FLNB: variants seen among roughly 807,000 people sequenced by gnomAD.
FLNB encodes filamin-B.
FLNB carries 111 observed loss-of-function variants against 250.6 expected under a neutral mutation model. The ratio of observed to expected loss-of-function variants is 0.44; its 90% CI spans 0.38 to 0.52. FLNB has a LOEUF of 0.52. Among genes scored for constraint, FLNB ranks in the 20% least tolerant of loss-of-function variants. The pLI, the probability that FLNB is intolerant of heterozygous loss-of-function variation, is 0.00. For missense variants in FLNB, 2,869 were observed against 3,447.8 expected (o/e 0.83, Z 4.20); for synonymous variants, 1,302 against 1,372.1 (o/e 0.95, Z 1.13).
At chr3:58,125,769 C>CT in intron 23 of FLNB, 26 bp downstream of exon 23, 1 of 1,611,788 alleles carries the variant, frequency 6.2e-7, no homozygotes, top group Non-Finnish European at 8.5e-7. Flanking sequence ...CATTTGGTGT[C>CT]TTGAGTCTCA....
intron 1 of FLNB, among the ~76,000 whole-genome samples, chr3:58,071,144 G>A (rs1018332387): frequency 3.3e-5 from 5 of 151,822 alleles, no homozygotes; most frequent in Admixed American, 2.0e-4. Flanking sequence ...TAGGGACAGG[G>A]TGTCCCTATG....
At chr3:58,008,913 T>C in intron 1 of FLNB, 57 bp downstream of exon 1, 1 of 1,598,258 alleles carries the variant, frequency 6.3e-7, no homozygotes, top group Middle Eastern at 1.7e-4. Context: ...CCCCCGCGCG[T>C]GCACCCCTGC....
intron 24 of FLNB, among the ~76,000 whole-genome samples, chr3:58,129,733 G>A (rs1207336298): frequency 6.6e-6 from 1 of 152,120 alleles, no homozygotes; most frequent in African/African-American, 2.4e-5. Context: ...CAGCTTTCAC[G>A]GCAGTCATTA....
At chr3:58,112,589 C>G (rs1393584898) in intron 18 of FLNB, among the ~76,000 whole-genome samples, 18 of 152,248 alleles carry the variant, frequency 1.2e-4, no homozygotes, top group Admixed American at 1.1e-3. Flanking sequence ...CAGAGAAATG[C>G]TCAGTTCTTG....
chr3:58,116,091 C>T (rs903780580), intron 18 of FLNB, among the ~76,000 whole-genome samples: 45 of 152,010 alleles, frequency 3.0e-4, no homozygotes, highest in South Asian at 4.1e-4. Context: ...GATTCACAAG[C>T]GGAGATGGCC....
rs7645145 is a variant in FLNB at position 58,095,229 on chromosome 3, G to T, written c.906+275G>T. Among the ~76,000 whole-genome samples, 13,394 of 147,714 alleles carry T rather than the reference G, an allele frequency of 0.091. 934 individuals are homozygous for T. The highest frequency in any genetic ancestry group is 0.19 in the African/African-American group (7,573 of 39,634). On this transcript the variant is annotated intron_variant, in intron 5 of 45. Coordinates refer to ENST00000295956, the MANE Select transcript of FLNB (RefSeq NM_001457.4). Reference sequence around the variant, plus strand: ...GCCTTGTCAGTTGAGGTTTATGTATGTATTTATTTATTTATTTATTTATTT... The same window carrying T: ...GCCTTGTCAGTTGAGGTTTATGTATTTATTTATTTATTTATTTATTTATTT...
intron 6 of FLNB, 133 bp downstream of exon 6, chr3:58,096,351 T>C: frequency 1.4e-6 from 1 of 732,910 alleles, no homozygotes; most frequent in Non-Finnish European, 2.4e-6. Context: ...TCTATGCTCA[T>C]GATAGAAAAT....
At chr3:58,111,734 C>A in intron 16 of FLNB, 57 bp from the exon 17 acceptor site, 1 of 1,339,082 alleles carries the variant, frequency 7.5e-7, no homozygotes, top group South Asian at 1.2e-5. Flanking sequence ...TGAAGGCTCC[C>A]TGAGCTCTGG....
At position 58,142,553 on chromosome 3, in the gene FLNB, A is replaced by T. The variant is rs914578687; in HGVS notation, c.5182-97A>T. 1 of 1,061,492 alleles carries T rather than the reference A, an allele frequency of 9.4e-7. No homozygotes were observed. The highest frequency in any genetic ancestry group is 1.6e-5 in the African/African-American group (1 of 64,338). 65.8% of individuals were successfully genotyped at this position (1,061,492 alleles called of 1,614,324 possible). A position where few individuals can be genotyped will look rare whatever the true frequency, so the allele number is the denominator to read the frequency against. Reference sequence around the variant, plus strand: ...AGCCGCATTCCCAAATCCCGGCCTCACTGGCTTGTAGAATTCCCAGCAGCT... The same window carrying T: ...AGCCGCATTCCCAAATCCCGGCCTCTCTGGCTTGTAGAATTCCCAGCAGCT... On this transcript the variant is annotated intron_variant, in intron 30 of 45. Coordinates refer to ENST00000295956, the MANE Select transcript of FLNB (RefSeq NM_001457.4). This position sits in a 1 kb window ranked among gnomAD's most constrained non-coding sequence, Gnocchi z 4.3.
At chr3:58,018,125 C>T (rs1172733356) in intron 1 of FLNB, among the ~76,000 whole-genome samples, 3 of 151,970 alleles carry the variant, frequency 2.0e-5, no homozygotes, top group Non-Finnish European at 4.4e-5. Flanking sequence ...TCACACCTTC[C>T]GTCTGCTGAG....
chr3:58,148,929 TC>T, intron 36 of FLNB, 77 bp downstream of exon 36: 2 of 1,232,526 alleles, frequency 1.6e-6, no homozygotes, highest in East Asian at 4.6e-5. Flanking sequence ...CATCTTTTCA[TC>T]CTACCAACTC....
intron 27 of FLNB, among the ~76,000 whole-genome samples, chr3:58,135,131 A>C (rs1415660106): frequency 6.6e-6 from 1 of 152,212 alleles, no homozygotes; most frequent in Non-Finnish European, 1.5e-5. Flanking sequence ...CTGGGATTGC[A>C]GACATGAGAC....
chr3:58,123,109 C>G lies in FLNB; in HGVS notation c.3143C>G (p.Pro1048Arg). ...CTCAAATAGGTGAAGGCCCACGGTC[C>G]CGGCCTCGAAGGTGGTCTCGTGGGC... ...PDPSKVKAHGPGLEGGLVGKP... is the reference protein window; with the variant it reads ...PDPSKVKAHGRGLEGGLVGKP... The change falls in exon 21 of 46, where the codon CCC becomes CGC. Residue 1048 changes from proline to arginine, a missense_variant. By Grantham distance (103) the Pro-to-Arg change is moderately radical (BLOSUM62 -2). This residue lies in a region of FLNB where 1,348 missense variants were observed against 1,466.7 expected (regional missense o/e 0.92). Coordinates refer to ENST00000295956, the MANE Select transcript of FLNB (RefSeq NM_001457.4). 6.2e-7 allele frequency: 1 copy of G among 1,614,120 alleles called. No individual in the cohort carries two copies. The highest frequency in any genetic ancestry group is 1.3e-5 in the African/African-American group (1 of 75,020).
At position 58,141,887 on chromosome 3, in the gene FLNB, G is replaced by A; in HGVS notation, c.5139G>A (p.Glu1713=). 1 of 1,614,178 alleles carries A rather than the reference G, an allele frequency of 6.2e-7. No homozygotes were observed. The highest frequency in any genetic ancestry group is 1.1e-5 in the South Asian group (1 of 91,090). The change falls in exon 30 of 46, where the codon GAG becomes GAA. Residue 1713 remains glutamate (E), a synonymous_variant. Transcript: ENST00000295956. ...CAGATGGGGAAGTCACAGCCGTGGA[G>A]GAGGCACCGGTAAATGCATGTCCCC... ...MATDGEVTAV[E]EAPVNACPPG...
rs754708052 is a variant in FLNB at position 58,121,409 on chromosome 3, A to C, written c.3032A>C (p.Glu1011Ala). 100 of 1,613,878 alleles carry C rather than the reference A, an allele frequency of 6.2e-5. No homozygotes were observed. In the South Asian group the frequency reaches 1.1e-3, roughly 18 times the overall value. The change falls in exon 20 of 46, where the codon GAG (glutamate) becomes GCG (alanine). Residue 1011 changes from glutamate (E) to alanine (A), a missense_variant. Glu to Ala is a moderately radical substitution (Grantham distance 107). Coordinates refer to ENST00000295956, the MANE Select transcript of FLNB (RefSeq NM_001457.4). ...ACGGCCAAGTTCATCCCTCGGGAGG[A>C]GGGGCTGTATGCTGTAGACGTGACC... ...NSTAKFIPREEGLYAVDVTYD... is the reference protein window; with the variant it reads ...NSTAKFIPREAGLYAVDVTYD...
chr3:58,105,180 G>C lies in FLNB; in HGVS notation c.1711G>C (p.Val571Leu), dbSNP rs760127618. The C allele has an allele frequency of 6.2e-7, 1 of 1,614,218 alleles. No individual in the cohort carries two copies. The highest frequency in any genetic ancestry group is 8.5e-7 in the Non-Finnish European group (1 of 1,180,042). The change falls in exon 11 of 46, where the codon GTG (valine) becomes CTG (leucine). Residue 571 changes from valine to leucine, a missense_variant. By Grantham distance (32) the Val-to-Leu change is conservative. Around this residue, in one of 5 missense-constraint regions of FLNB, gnomAD observed 1,348 missense variants for 1,466.7 expected, o/e 0.92. Transcript: ENST00000295956. ...GGIVGRSADF[V>L]VESIGSEVGS... Reference sequence around the variant, plus strand: ...GATTGTCGGGCGGTCAGCGGACTTCGTGGTAGAATCCATTGGCTCTGAAGT... The same window carrying C: ...GATTGTCGGGCGGTCAGCGGACTTCCTGGTAGAATCCATTGGCTCTGAAGT...
intron 1 of FLNB, among the ~76,000 whole-genome samples, chr3:58,065,380 T>C (rs1204540511): frequency 6.6e-6 from 1 of 152,230 alleles, no homozygotes; most frequent in Non-Finnish European, 1.5e-5. Context: ...TGAGATGATG[T>C]AGATTCAGCG....
intron 1 of FLNB, among the ~76,000 whole-genome samples, chr3:58,050,916 C>T (rs183088200): frequency 1.3e-5 from 2 of 152,308 alleles, no homozygotes; most frequent in Admixed American, 6.5e-5. Context: ...GCGGGTGAAG[C>T]GCTGCTGTTG....
chr3:58,054,722 A>G (rs554817032), intron 1 of FLNB, among the ~76,000 whole-genome samples: 7 of 152,252 alleles, frequency 4.6e-5, no homozygotes, highest in Non-Finnish European at 7.3e-5. Context: ...GGGAACTACA[A>G]TTTAAGATGA....
Sources: allele counts gnomAD v4.1 joint callset (sites outside exome capture counted in the v4.1 genomes callset), GRCh38; gene constraint gnomAD v4.1.1; regional missense constraint gnomAD v4.1.1; non-coding constraint Gnocchi (gnomAD v3.1); transcripts MANE v1.5; gene names NCBI Gene and HGNC (gene_info 2026-07-23, HGNC 2026-07-21).